Variants in OR4N2 observed in about 807,000 individuals in gnomAD.
OR4N2 encodes olfactory receptor 4N2.
For synonymous variants in OR4N2, 141 were observed against 140.4 expected (o/e 1.00, Z -0.03); for missense variants, 307 against 377.6 (o/e 0.81, Z 1.55).
At chr14:19,814,493 G>A (rs4983237) in intron 1 of OR4N2, among the ~76,000 whole-genome samples, 29,242 of 148,892 alleles carry the variant, frequency 0.2, 1,295 homozygotes, top group South Asian at 0.27. Flanking sequence ...ATTTAAAGGC[G>A]TGCCCAAAAA....
At chr14:19,811,126 C>A (rs1459045014) in intron 1 of OR4N2, among the ~76,000 whole-genome samples, 4 of 152,216 alleles carry the variant, frequency 2.6e-5, no homozygotes, top group African/African-American at 9.7e-5. Flanking sequence ...ATACCATTTC[C>A]CAACTTTCTT....
intron 1 of OR4N2, among the ~76,000 whole-genome samples, chr14:19,818,760 C>A (rs1369787101): frequency 5.9e-5 from 9 of 151,608 alleles, no homozygotes; most frequent in Non-Finnish European, 1.0e-4. Context: ...TTGGTTAATG[C>A]AGTTTCTTCA....
chr14:19,818,108 T>C (rs1301568042), intron 1 of OR4N2, among the ~76,000 whole-genome samples: 1 of 152,252 alleles, frequency 6.6e-6, no homozygotes, highest in Non-Finnish European at 1.5e-5. Flanking sequence ...TACTTCCAAG[T>C]ATGTGGTCAA....
At chr14:19,803,978 CAT>C (rs1202504129) in intron 1 of OR4N2, 134 bp downstream of exon 1, 2 of 152,208 alleles carry the variant, frequency 1.3e-5, no homozygotes, top group African/African-American at 4.8e-5. Context: ...AGTTTGTGTG[CAT>C]AGAGTTGTTC....
At chr14:19,825,139 TTGTA>T (rs2138480972) in intron 1 of OR4N2, among the ~76,000 whole-genome samples, 1 of 152,390 alleles carries the variant, frequency 6.6e-6, no homozygotes, top group Non-Finnish European at 1.5e-5. Flanking sequence ...TTGTGTGTGT[TTGTA>T]TGTATTTGTG....
chr14:19,806,525 T>C (rs1879169691), intron 1 of OR4N2, among the ~76,000 whole-genome samples: 2 of 152,270 alleles, frequency 1.3e-5, no homozygotes, highest in South Asian at 2.1e-4. Context: ...GAAGACTTTA[T>C]CCTAAATGTA....
chr14:19,814,698 T>C (rs893867350), intron 1 of OR4N2, among the ~76,000 whole-genome samples: 2 of 152,224 alleles, frequency 1.3e-5, no homozygotes, highest in Non-Finnish European at 2.9e-5. Context: ...ATACTTTAAG[T>C]TCTGGGATAC....
chr14:19,809,214 G>A (rs946673811), intron 1 of OR4N2, among the ~76,000 whole-genome samples: 3 of 151,866 alleles, frequency 2.0e-5, no homozygotes, highest in Admixed American at 6.6e-5. Flanking sequence ...ACTCAAAATC[G>A]ATTAAAGATT....
intron 1 of OR4N2, among the ~76,000 whole-genome samples, chr14:19,805,012 A>G (rs1330966957): frequency 1.3e-5 from 2 of 152,142 alleles, no homozygotes; most frequent in African/African-American, 2.4e-5. Flanking sequence ...TTAGAATCAG[A>G]CCATTTGCTT....
At chr14:19,818,888 A>T (rs2138473756) in intron 1 of OR4N2, among the ~76,000 whole-genome samples, 1 of 152,346 alleles carries the variant, frequency 6.6e-6, no homozygotes, top group South Asian at 2.1e-4. Flanking sequence ...GGTGACAAAA[A>T]TCTGTTAGTA....
intron 1 of OR4N2, among the ~76,000 whole-genome samples, chr14:19,815,839 G>A (rs749437201): frequency 1.9e-4 from 29 of 152,086 alleles, no homozygotes; most frequent in East Asian, 3.8e-4. Context: ...TAGGTTTTCC[G>A]TTTAAGCCTT....
intron 1 of OR4N2, among the ~76,000 whole-genome samples, chr14:19,804,163 A>C (rs77727445): frequency 2.0e-5 from 3 of 152,130 alleles, no homozygotes; most frequent in African/African-American, 2.4e-5. Context: ...TGGATTTGTT[A>C]ATCTTTTGTA....
Position 19,828,553 on chromosome 14 carries a change from A to G in OR4N2, c.*181A>G, listed in dbSNP as rs557009263. The G allele has an allele frequency of 2.6e-4, 165 of 627,382 alleles. No homozygotes were observed. In the South Asian group the frequency reaches 3.5e-3, roughly 13 times the overall value. The allele number at this position is 627,382 out of a possible 1,614,324, so 38.9% of individuals were successfully genotyped here. A position where few individuals can be genotyped will look rare whatever the true frequency, so the allele number is the denominator to read the frequency against. On this transcript the variant is annotated 3_prime_UTR_variant, in exon 2 of 2. Coordinates refer to ENST00000557677, the MANE Select transcript of OR4N2 (RefSeq NM_001004723.3). ...ATCTGCTCTCCAAGAGATACAACCTAGTAAAAATAGACCACCATTAAGGTA... is the reference window on the plus strand; with the variant it reads ...ATCTGCTCTCCAAGAGATACAACCTGGTAAAAATAGACCACCATTAAGGTA...
At chr14:19,804,870 G>A (rs1335273964) in intron 1 of OR4N2, among the ~76,000 whole-genome samples, 1 of 152,210 alleles carries the variant, frequency 6.6e-6, no homozygotes, top group Non-Finnish European at 1.5e-5. Flanking sequence ...ATAAGTCTGG[G>A]TACTTCTGTG....
chr14:19,812,841 G>GA (rs1210310747), intron 1 of OR4N2, among the ~76,000 whole-genome samples: 23 of 151,820 alleles, frequency 1.5e-4, no homozygotes, highest in African/African-American at 5.3e-4. Flanking sequence ...ATTTTTTGAG[G>GA]AAAAAAATGA....
intron 1 of OR4N2, among the ~76,000 whole-genome samples, chr14:19,814,604 A>T (rs1879380009): frequency 6.6e-6 from 1 of 152,272 alleles, no homozygotes; most frequent in Non-Finnish European, 1.5e-5. Context: ...CAAAGGCAGG[A>T]TCAGCAACTG....
intron 1 of OR4N2, among the ~76,000 whole-genome samples, chr14:19,807,306 A>G (rs1175157853): frequency 6.6e-6 from 1 of 152,070 alleles, no homozygotes; most frequent in Non-Finnish European, 1.5e-5. Context: ...GGTCCTTCAA[A>G]ATAAAAATAA....
At chr14:19,813,552 A>G (rs1290632617) in intron 1 of OR4N2, among the ~76,000 whole-genome samples, 1 of 152,270 alleles carries the variant, frequency 6.6e-6, no homozygotes, top group African/African-American at 2.4e-5. Flanking sequence ...GTGGGAGCTT[A>G]AGGGTAATTT....
intron 1 of OR4N2, among the ~76,000 whole-genome samples, chr14:19,826,936 A>T (rs1472878157): frequency 6.6e-6 from 1 of 152,252 alleles, no homozygotes; most frequent in African/African-American, 2.4e-5. Flanking sequence ...GAGGGTAAGG[A>T]AGAGAGTTAC....
Sources: gnomAD v4.1 joint callset for allele counts (sites outside exome capture counted in the v4.1 genomes callset) on GRCh38, gnomAD v4.1.1 for gene constraint, MANE v1.5 for transcripts, NCBI Gene and HGNC (gene_info 2026-07-23, HGNC 2026-07-21) for gene names.